The following ATL3 variants were observed in gnomAD, a reference collection of about 807,000 sequenced individuals.
The protein encoded by ATL3 is atlastin GTPase 3.
A neutral mutation model predicts 69.5 loss-of-function variants in ATL3; 49 were observed. The observed-to-expected ratio is 0.71, with a 90% CI of 0.56 to 0.89. The LOEUF (loss-of-function observed/expected upper bound fraction) is 0.89, where lower values mean the gene tolerates loss of function less well. Among genes scored for constraint, ATL3 ranks in the 40% least tolerant of loss-of-function variants. The pLI is 0.00. For missense variants in ATL3, 606 were observed against 645.7 expected, an observed-to-expected ratio of 0.94 and a Z score of 0.67; for synonymous variants, 214 against 224.1, an observed-to-expected ratio of 0.95 and a Z score of 0.40.
rs1939509754 is a variant in ATL3 at position 63,636,207 on chromosome 11, C to T, written c.978G>A (p.Lys326=). The change falls in exon 9 of 13, where the codon AAG becomes AAA. Residue 326 remains lysine, a splice_region_variant and synonymous_variant. Transcript: ENST00000398868. ...TTTAATAACTAAAACCCATATTTAC[C>T]TTAAAATACTCCAGTAGTCCCCGAC... ...VTCRGLLEYF[K]AYIKIYQGED... The T allele has an allele frequency of 1.2e-6, 2 of 1,612,500 alleles. No individual in the cohort carries two copies. The highest frequency in any genetic ancestry group is 1.7e-6 in the Non-Finnish European group (2 of 1,179,586).
At chr11:63,664,072 A>G (rs908011383) in intron 1 of ATL3, among the ~76,000 whole-genome samples, 2 of 152,202 alleles carry the variant, frequency 1.3e-5, no homozygotes, top group Non-Finnish European at 1.5e-5. Flanking sequence ...GAACTGCCAT[A>G]TTGGTTCACT....
In ATL3 at chr11:63,628,588, T is replaced by G. The variant is rs1939198854; in HGVS notation, c.*731A>C. The stretch of plus-strand genomic sequence containing the variant: ...GGCTCACGCCTGTAATCCCAGCACT[T>G]TGGGAGGCCAAGGCGGGCAGGCGGA... On this transcript the variant is annotated 3_prime_UTR_variant, in exon 13 of 13. Coordinates refer to ENST00000398868, the MANE Select transcript of ATL3 (RefSeq NM_015459.5). The G allele has an allele frequency of 6.6e-6, 1 of 152,050 alleles. No homozygotes were observed. The allele number at this position is 152,050 out of a possible 1,614,324, so 9.4% of individuals were successfully genotyped here. A position where few individuals can be genotyped will look rare whatever the true frequency, so the allele number is the denominator to read the frequency against.
intron 1 of ATL3, among the ~76,000 whole-genome samples, chr11:63,670,117 A>C (rs894009035): frequency 1.3e-5 from 2 of 152,160 alleles, no homozygotes; most frequent in Non-Finnish European, 2.9e-5. Flanking sequence ...AAAAAATAAT[A>C]ATAAAACAAT....
At chr11:63,651,809 T>C in intron 5 of ATL3, 127 bp downstream of exon 5, 1 of 1,324,554 alleles carries the variant, frequency 7.5e-7, no homozygotes, top group Non-Finnish European at 1.0e-6. Context: ...TAGTATAGAA[T>C]TACTATGAAC....
chr11:63,647,884 A>C (rs550897241), intron 5 of ATL3, among the ~76,000 whole-genome samples: 2 of 152,260 alleles, frequency 1.3e-5, no homozygotes, highest in Non-Finnish European at 2.9e-5. Flanking sequence ...TGTTCTGCTA[A>C]GAAATCTGGA....
chr11:63,664,480 C>T (rs1054408151), intron 1 of ATL3, among the ~76,000 whole-genome samples: 2 of 151,060 alleles, frequency 1.3e-5, no homozygotes, highest in African/African-American at 4.9e-5. Context: ...GCAGAGGTTG[C>T]TGTGAGCCAA....
In ATL3 at chr11:63,631,300, T is replaced by A. The variant is rs2134462119; in HGVS notation, c.1279A>T (p.Asn427Tyr). 6.2e-7 allele frequency: 1 copy of A among 1,614,184 alleles called. No homozygotes were observed. The change falls in exon 12 of 13, where the codon AAC becomes TAC. Residue 427 changes from asparagine (N) to tyrosine (Y), a missense_variant. Coordinates refer to ENST00000398868, the MANE Select transcript of ATL3 (RefSeq NM_015459.5). Reference sequence around the variant, plus strand: ...TTGCTACCATTGTGCTTGCAGAAGTTCTCATATAATTCCTTGATTTCCTCC... The same window carrying A: ...TTGCTACCATTGTGCTTGCAGAAGTACTCATATAATTCCTTGATTTCCTCC... Reference protein sequence around the residue: ...LEEEIKELYENFCKHNGSKNV... With the variant: ...LEEEIKELYEYFCKHNGSKNV...
chr11:63,644,299 T>C (rs1217282976), intron 6 of ATL3, 38 bp from the exon 7 acceptor site: 2 of 1,282,846 alleles, frequency 1.6e-6, no homozygotes, highest in Non-Finnish European at 2.2e-6. Flanking sequence ...TTAACATGCA[T>C]AAACACATTT....
intron 4 of ATL3, 144 bp downstream of exon 4, chr11:63,652,327 A>T: frequency 1.7e-6 from 1 of 586,816 alleles, no homozygotes; most frequent in Non-Finnish European, 2.6e-6. Flanking sequence ...TCAAACTTTT[A>T]AAAGTTTAAC....
At chr11:63,647,361 T>C (rs894224583) in intron 5 of ATL3, among the ~76,000 whole-genome samples, 4 of 152,228 alleles carry the variant, frequency 2.6e-5, no homozygotes, top group African/African-American at 9.6e-5. Context: ...ACCTGGCTAA[T>C]TTTGTATTTT....
chr11:63,658,311 G>T (rs924864753), intron 3 of ATL3, among the ~76,000 whole-genome samples: 7 of 152,180 alleles, frequency 4.6e-5, no homozygotes, highest in African/African-American at 1.7e-4. Context: ...GTCATACACA[G>T]TAAGTTGTAT....
chr11:63,635,445 C>G (rs1325717571), intron 10 of ATL3, 89 bp downstream of exon 10: 36 of 1,138,196 alleles, frequency 3.2e-5, no homozygotes, highest in Non-Finnish European at 4.5e-5. Flanking sequence ...AGAAAAAGTG[C>G]ATTCTCTTCC....
At chr11:63,647,261 G>A (rs1411213264) in intron 5 of ATL3, among the ~76,000 whole-genome samples, 3 of 152,024 alleles carry the variant, frequency 2.0e-5, no homozygotes, top group African/African-American at 2.4e-5. Context: ...GTAATGGCGC[G>A]TGGCTCATCG....
Position 63,631,441 on chromosome 11 carries a change from G to C in ATL3, c.1138C>G (p.Pro380Ala). 1 of 1,611,782 alleles carries C rather than the reference G, an allele frequency of 6.2e-7. No individual in the cohort carries two copies. The highest frequency in any genetic ancestry group is 8.5e-7 in the Non-Finnish European group (1 of 1,178,800). ...CAGTGCTTCTCCTCTAGAATGTCTG[G>C]AGACAAATAAGGTTTCTCTCCCCCA... ...VCGGEKPYLS[P>A]DILEEKHCEF... The change falls in exon 12 of 13, where the codon CCA becomes GCA. Residue 380 changes from proline (P) to alanine (A), a missense_variant. Coordinates refer to ENST00000398868, the MANE Select transcript of ATL3 (RefSeq NM_015459.5).
chr11:63,668,381 T>C (rs1038518023), intron 1 of ATL3, among the ~76,000 whole-genome samples: 2 of 152,208 alleles, frequency 1.3e-5, no homozygotes, highest in Admixed American at 6.6e-5. Context: ...GGTGCTTTTA[T>C]ATACCGTTTT....
chr11:63,663,846 T>C (rs922543950), intron 1 of ATL3, among the ~76,000 whole-genome samples: 2 of 152,194 alleles, frequency 1.3e-5, no homozygotes, highest in African/African-American at 4.8e-5. Flanking sequence ...AAGAAACACA[T>C]TTCCAACCCA....
chr11:63,636,200 T>C lies in ATL3; in HGVS notation c.978+7A>G. ...CAAACATTTTAATAACTAAAACCCATATTTACCTTAAAATACTCCAGTAGT... is the reference window on the plus strand; with the variant it reads ...CAAACATTTTAATAACTAAAACCCACATTTACCTTAAAATACTCCAGTAGT... On this transcript the variant is annotated splice_region_variant and intron_variant, in intron 9 of 12. Transcript: ENST00000398868. 3 of 1,608,768 alleles carry C rather than the reference T, an allele frequency of 1.9e-6. No homozygotes were observed. In the East Asian group the frequency reaches 6.7e-5, roughly 36 times the overall value.
In ATL3 at chr11:63,627,003, G is replaced by C. The variant is rs1939134607; in HGVS notation, c.*2316C>G. The C allele has an allele frequency of 1.3e-5, 2 of 151,420 alleles. No individual in the cohort carries two copies. Among genetic ancestry groups the C allele is most frequent in the South Asian group, 4.2e-4 (2 of 4,806 alleles). The allele number at this position is 151,420 out of a possible 1,614,324, so 9.4% of individuals were successfully genotyped here. Reference sequence around the variant, plus strand: ...TAATTAAACCAAGGTCTCTTTATAAGACCAAAACAGAAATGGTGAATTTAA... The same window carrying C: ...TAATTAAACCAAGGTCTCTTTATAACACCAAAACAGAAATGGTGAATTTAA... On this transcript the variant is annotated 3_prime_UTR_variant, in exon 13 of 13. Coordinates refer to ENST00000398868, the MANE Select transcript of ATL3 (RefSeq NM_015459.5).
At chr11:63,643,136 T>C (rs531835802) in intron 8 of ATL3, among the ~76,000 whole-genome samples, 12 of 152,354 alleles carry the variant, frequency 7.9e-5, no homozygotes, top group Admixed American at 7.2e-4. Context: ...TTAGAAAGAC[T>C]ACTAATGGAT....
Sources: gnomAD v4.1 joint callset for allele counts (sites outside exome capture counted in the v4.1 genomes callset) on GRCh38, gnomAD v4.1.1 for gene constraint, MANE v1.5 for transcripts, NCBI Gene and HGNC (gene_info 2026-07-23, HGNC 2026-07-21) for gene names.